SLC9A9: variants seen among roughly 807,000 people sequenced by gnomAD.
SLC9A9 encodes the protein solute carrier family 9 member A9, also known as sodium/hydrogen exchanger 9.
A neutral mutation model predicts 77.8 loss-of-function variants in SLC9A9; 62 were observed. The ratio of observed to expected loss-of-function variants is 0.80; its 90% confidence interval spans 0.65 to 0.98. The LOEUF (loss-of-function observed/expected upper bound fraction) is 0.98, where lower values mean the gene tolerates loss of function less well. Among genes scored for constraint, SLC9A9 ranks in the 50% least tolerant of loss-of-function variants. The probability of loss-of-function intolerance (pLI) is 0.00; values close to 1 mark genes in which losing one functional copy is unlikely to be tolerated. For synonymous variants in SLC9A9, 320 were observed against 283.5 expected (o/e 1.13, Z -1.29); for missense variants, 775 against 774.9 (o/e 1.00, Z 0.00).
At chr3:143,761,956 G>A (rs1355672621) in intron 4 of SLC9A9, among the ~76,000 whole-genome samples, 1 of 152,164 alleles carries the variant, frequency 6.6e-6, no homozygotes, top group East Asian at 1.9e-4. Flanking sequence ...GTCCATCAAT[G>A]ATAGACTGGA....
chr3:143,847,417 A>G (rs1361035776), intron 1 of SLC9A9, among the ~76,000 whole-genome samples: 2 of 152,220 alleles, frequency 1.3e-5, no homozygotes, highest in Admixed American at 1.3e-4. Flanking sequence ...TCTGAAAGGA[A>G]TGATACGGTA....
At chr3:143,656,795 A>G (rs58805131) in intron 5 of SLC9A9, among the ~76,000 whole-genome samples, 2,207 of 152,342 alleles carry the variant, frequency 0.014, 57 homozygotes, top group African/African-American at 0.051. Context: ...TCCATGACAC[A>G]CAGAGAATCA....
intron 4 of SLC9A9, among the ~76,000 whole-genome samples, chr3:143,722,568 G>T (rs573955494): frequency 6.6e-6 from 1 of 151,226 alleles, no homozygotes; most frequent in East Asian, 2.0e-4. Context: ...GCTTCTCAGA[G>T]GCTCACAAAA....
At chr3:143,307,753 GC>G (rs757597859) in intron 14 of SLC9A9, among the ~76,000 whole-genome samples, 1 of 152,140 alleles carries the variant, frequency 6.6e-6, no homozygotes, top group Admixed American at 6.6e-5. Context: ...AAGGTCTCCA[GC>G]CTGACCTCTG....
intron 12 of SLC9A9, among the ~76,000 whole-genome samples, chr3:143,463,803 C>A (rs891785493): frequency 1.3e-5 from 2 of 152,064 alleles, no homozygotes; most frequent in African/African-American, 4.8e-5. Context: ...TTGAATGGTG[C>A]TTAGGACAAG....
chr3:143,413,305 G>A (rs2108521240), intron 12 of SLC9A9, among the ~76,000 whole-genome samples: 1 of 152,290 alleles, frequency 6.6e-6, no homozygotes, highest in East Asian at 1.9e-4. Flanking sequence ...ACTGTGAGGG[G>A]GAAATGCCTC....
intron 4 of SLC9A9, among the ~76,000 whole-genome samples, chr3:143,725,454 C>T (rs1325881919): frequency 2.6e-5 from 4 of 151,950 alleles, no homozygotes; most frequent in Non-Finnish European, 4.4e-5. Context: ...TATTGCGGCA[C>T]TATTCACAAT....
intron 12 of SLC9A9, among the ~76,000 whole-genome samples, chr3:143,412,766 G>C (rs1306538479): frequency 6.6e-6 from 1 of 152,170 alleles, no homozygotes; most frequent in Non-Finnish European, 1.5e-5. Flanking sequence ...CTGTGCAACC[G>C]TCTCCCTCTT....
intron 4 of SLC9A9, among the ~76,000 whole-genome samples, chr3:143,738,273 G>T (rs1474830666): frequency 6.6e-6 from 1 of 152,058 alleles, no homozygotes; most frequent in Non-Finnish European, 1.5e-5. Context: ...CAGGGCTTAG[G>T]GCAGTACCGG....
At chr3:143,651,239 T>G (rs1208194606) in intron 6 of SLC9A9, among the ~76,000 whole-genome samples, 1 of 152,198 alleles carries the variant, frequency 6.6e-6, no homozygotes, top group African/African-American at 2.4e-5. Context: ...CTCACTGATA[T>G]TTTCCTTTAA....
chr3:143,658,338 C>A (rs1030140348), intron 5 of SLC9A9, among the ~76,000 whole-genome samples: 1 of 152,182 alleles, frequency 6.6e-6, no homozygotes, highest in Non-Finnish European at 1.5e-5. Context: ...ACTAGCTAAG[C>A]ACATCCTTGA....
chr3:143,627,674 C>T (rs1048122471), intron 6 of SLC9A9: 20 of 173,076 alleles, frequency 1.2e-4, no homozygotes, highest in Non-Finnish European at 2.3e-4. Flanking sequence ...CTTTTCAAAA[C>T]CCAACACCAG....
At chr3:143,329,624 C>T (rs2031705229) in intron 14 of SLC9A9, among the ~76,000 whole-genome samples, 1 of 152,208 alleles carries the variant, frequency 6.6e-6, no homozygotes, top group African/African-American at 2.4e-5. Context: ...GTCCGCCCAT[C>T]GTCTCTGGGG....
At chr3:143,329,897 G>C (rs945486074) in intron 14 of SLC9A9, among the ~76,000 whole-genome samples, 1 of 152,166 alleles carries the variant, frequency 6.6e-6, no homozygotes, top group Non-Finnish European at 1.5e-5. Flanking sequence ...CCTCCCTACA[G>C]GTTCTGGCAC....
At chr3:143,731,189 A>G (rs1164622906) in intron 4 of SLC9A9, among the ~76,000 whole-genome samples, 1 of 152,214 alleles carries the variant, frequency 6.6e-6, no homozygotes, top group East Asian at 1.9e-4. Flanking sequence ...AGGTCTCACC[A>G]ATAGGGATTT....
intron 4 of SLC9A9, among the ~76,000 whole-genome samples, chr3:143,728,850 G>T (rs1171976760): frequency 1.3e-5 from 2 of 152,042 alleles, no homozygotes; most frequent in African/African-American, 4.8e-5. Flanking sequence ...CTGGCAACGA[G>T]ATGGATGGTG....
At chr3:143,392,922 A>C (rs1309937714) in intron 12 of SLC9A9, among the ~76,000 whole-genome samples, 4 of 152,236 alleles carry the variant, frequency 2.6e-5, no homozygotes, top group Non-Finnish European at 4.4e-5. Context: ...TGCACCCAAT[A>C]CAGGAACACC....
chr3:143,597,937 G>A (rs2037785642), intron 6 of SLC9A9, among the ~76,000 whole-genome samples: 1 of 152,036 alleles, frequency 6.6e-6, no homozygotes, highest in Non-Finnish European at 1.5e-5. Context: ...TCGGCACTGT[G>A]GGGTTAAACA....
At chr3:143,788,682 C>A (rs1188780911) in intron 4 of SLC9A9, among the ~76,000 whole-genome samples, 3 of 87,936 alleles carry the variant, frequency 3.4e-5, no homozygotes, top group African/African-American at 1.2e-4. Context: ...CAGAGTGAGA[C>A]TCCATCAAAA....
Sources: allele counts gnomAD v4.1 joint callset (sites outside exome capture counted in the v4.1 genomes callset), GRCh38; gene constraint gnomAD v4.1.1; transcripts MANE v1.5; gene names NCBI Gene and HGNC (gene_info 2026-07-23, HGNC 2026-07-21).